The following DLG1 variants were observed in gnomAD, a reference collection of about 807,000 sequenced individuals.
DLG1 encodes the protein discs large MAGUK scaffold protein 1.
Under a neutral mutation model 123.4 loss-of-function variants are expected in DLG1, and 42 were observed. The ratio of observed to expected loss-of-function variants is 0.34; its 90% CI spans 0.27 to 0.44. DLG1 has a LOEUF of 0.44. Among genes scored for constraint, DLG1 ranks in the 20% least tolerant of loss-of-function variants. The probability of loss-of-function intolerance (pLI) is 1.00; values close to 1 mark genes in which losing one functional copy is unlikely to be tolerated. For missense variants in DLG1, 942 were observed against 1,082.6 expected (o/e 0.87, Z 1.82); for synonymous variants, 317 against 356.2 (o/e 0.89, Z 1.24).
chr3:197,218,161 AAG>A (rs1214374134), intron 4 of DLG1, among the ~76,000 whole-genome samples: 2 of 152,236 alleles, frequency 1.3e-5, no homozygotes. Flanking sequence ...ACTGTCAGCT[AAG>A]AGAAGTGTTC....
intron 12 of DLG1, among the ~76,000 whole-genome samples, chr3:197,117,333 G>A (rs1407483581): frequency 6.6e-6 from 1 of 152,102 alleles, no homozygotes; most frequent in African/African-American, 2.4e-5. Flanking sequence ...CCACCCTTAG[G>A]TATATATCCC....
chr3:197,230,884 G>C (rs948086558), intron 4 of DLG1, among the ~76,000 whole-genome samples: 2 of 151,926 alleles, frequency 1.3e-5, no homozygotes, highest in African/African-American at 4.9e-5. Context: ...TAAAATGATA[G>C]TAGTATCTGC....
chr3:197,254,102 T>C (rs917910926), intron 4 of DLG1, among the ~76,000 whole-genome samples: 1 of 151,866 alleles, frequency 6.6e-6, no homozygotes, highest in African/African-American at 2.4e-5. Flanking sequence ...GTATAAGGAG[T>C]GGAGCCTTTA....
chr3:197,083,284 C>T (rs924888802), intron 16 of DLG1, among the ~76,000 whole-genome samples: 15 of 152,142 alleles, frequency 9.9e-5, no homozygotes, highest in South Asian at 2.1e-4. Context: ...GAAATAGTTA[C>T]GAAATAGGTA....
At chr3:197,153,178 A>G (rs1464400218) in intron 5 of DLG1, among the ~76,000 whole-genome samples, 1 of 152,214 alleles carries the variant, frequency 6.6e-6, no homozygotes, top group Non-Finnish European at 1.5e-5. Context: ...ATTGCATTCA[A>G]AGTTAAATGC....
At chr3:197,183,566 G>C in intron 5 of DLG1, 1 of 1,548,180 alleles carries the variant, frequency 6.5e-7, no homozygotes, top group Non-Finnish European at 8.7e-7. Flanking sequence ...TCAACAAGTG[G>C]TATGTTACCT....
intron 24 of DLG1, among the ~76,000 whole-genome samples, chr3:197,045,960 G>A (rs1009298686): frequency 3.3e-5 from 5 of 152,152 alleles, no homozygotes; most frequent in South Asian, 2.1e-4. Context: ...GAAGAAAGAC[G>A]TTGTATGTAG....
chr3:197,146,534 A>T (rs1298438313), intron 6 of DLG1, among the ~76,000 whole-genome samples: 1 of 152,192 alleles, frequency 6.6e-6, no homozygotes, highest in Non-Finnish European at 1.5e-5. Context: ...AAGCAAACAA[A>T]AACATAAAGT....
chr3:197,133,182 T>A (rs1392412668), intron 10 of DLG1, among the ~76,000 whole-genome samples: 2 of 152,202 alleles, frequency 1.3e-5, no homozygotes, highest in African/African-American at 4.8e-5. Flanking sequence ...ACAGTAGTTG[T>A]GAAGGAAAGA....
intron 3 of DLG1, among the ~76,000 whole-genome samples, chr3:197,294,677 A>G (rs79981461): frequency 6.6e-6 from 1 of 151,116 alleles, no homozygotes; most frequent in Non-Finnish European, 1.5e-5. Context: ...AAAAAAAAAA[A>G]AGAGAAGAAA....
In DLG1 at chr3:197,127,691, G is replaced by A. The variant is rs938527298; in HGVS notation, c.1165+2836C>T. Among the ~76,000 whole-genome samples the A allele has an allele frequency of 1.3e-4, 19 of 151,254 alleles. No homozygotes were observed. The East Asian group carries it at 1.4e-3, about 11-fold the overall frequency. ...TAAATCAGTGTTTCTCAAAGTGCAG[G>A]CCATGAACTAGCAGCACCAGAAACC... is the stretch of plus-strand genomic sequence containing the variant. On this transcript the variant is annotated intron_variant, in intron 11 of 24. Coordinates refer to ENST00000667157, the MANE Select transcript of DLG1 (RefSeq NM_001366207.1).
rs985465657 is a variant in DLG1 at position 197,042,758 on chromosome 3, C to T, written c.*1865G>A. 1.3e-5 allele frequency: 2 copies of T among 152,180 alleles called. No individual in the cohort carries two copies. The highest frequency in any genetic ancestry group is 2.4e-5 in the African/African-American group (1 of 41,430). The allele number at this position is 152,180 out of a possible 1,614,324, so 9.4% of individuals were successfully genotyped here. On this transcript the variant is annotated 3_prime_UTR_variant, in exon 25 of 25. Transcript: ENST00000667157. ...GTGTTTCTATGTGGTTAACAACCTA[C>T]GACATTTAGTCTAACAGCAGCACTG...
intron 4 of DLG1, chr3:197,260,111 A>C (rs1423238369): frequency 4.5e-6 from 1 of 223,188 alleles, no homozygotes; most frequent in Non-Finnish European, 9.3e-6. Context: ...GCCCTTTCTA[A>C]AGGATATAAA....
At chr3:197,154,973 T>C (rs1795721438) in intron 5 of DLG1, among the ~76,000 whole-genome samples, 1 of 152,078 alleles carries the variant, frequency 6.6e-6, no homozygotes, top group Non-Finnish European at 1.5e-5. Context: ...TAATGCATTG[T>C]GGGAGTTGCA....
At chr3:197,140,053 G>T (rs1787212685) in intron 8 of DLG1, 87 bp downstream of exon 8, 1 of 1,434,602 alleles carries the variant, frequency 7.0e-7, no homozygotes. Context: ...GATCGTGTTT[G>T]TTATTTGTAT....
intron 4 of DLG1, among the ~76,000 whole-genome samples, chr3:197,249,138 T>C (rs1753170536): frequency 6.6e-6 from 1 of 150,928 alleles, no homozygotes; most frequent in South Asian, 2.1e-4. Context: ...ATACAGATGA[T>C]CAACAAAACA....
chr3:197,277,858 G>C (rs971008774), intron 4 of DLG1, among the ~76,000 whole-genome samples: 2 of 152,088 alleles, frequency 1.3e-5, no homozygotes, highest in Non-Finnish European at 2.9e-5. Flanking sequence ...AGAGAGCCGG[G>C]TGTGGTACCT....
chr3:197,153,889 G>A (rs1056434027), intron 5 of DLG1, among the ~76,000 whole-genome samples: 4 of 151,912 alleles, frequency 2.6e-5, no homozygotes, highest in Non-Finnish European at 4.4e-5. Context: ...AGAAAACCCT[G>A]GAGAAGAAGG....
intron 4 of DLG1, 108 bp from the exon 5 acceptor site, chr3:197,194,697 A>G (rs1721470796): frequency 7.4e-6 from 5 of 679,106 alleles, no homozygotes; most frequent in South Asian, 4.7e-5. Flanking sequence ...TATAAAAAGT[A>G]TATTTATGGT....
Sources: gnomAD v4.1 joint callset for allele counts (sites outside exome capture counted in the v4.1 genomes callset) on GRCh38, gnomAD v4.1.1 for gene constraint, MANE v1.5 for transcripts, NCBI Gene and HGNC (gene_info 2026-07-23, HGNC 2026-07-21) for gene names.